The following TMEM232 variants were observed in gnomAD, a reference collection of about 807,000 sequenced individuals.
The protein encoded by TMEM232 is transmembrane protein 232.
A neutral mutation model predicts 78.8 loss-of-function variants in TMEM232; 80 were observed. That is an observed-to-expected ratio of 1.01 (90% CI 0.85 to 1.22). TMEM232 has a LOEUF of 1.22. Among genes scored for constraint, TMEM232 ranks in the 50% most tolerant of loss-of-function variants. TMEM232 has a pLI of 0.00. For missense variants in TMEM232, 881 were observed against 742.2 expected (o/e 1.19, Z -2.17); for synonymous variants, 297 against 254.3 (o/e 1.17, Z -1.60).
chr5:110,582,545 T>C (rs1778327562), intron 10 of TMEM232, among the ~76,000 whole-genome samples: 1 of 151,872 alleles, frequency 6.6e-6, no homozygotes, highest in South Asian at 2.1e-4. Flanking sequence ...GCTGAAATAC[T>C]AATTATTGGG....
At chr5:110,550,183 GA>G (rs144393493) in intron 11 of TMEM232, among the ~76,000 whole-genome samples, 2 of 152,238 alleles carry the variant, frequency 1.3e-5, no homozygotes, top group Non-Finnish European at 2.9e-5. Flanking sequence ...AACAGTAACA[GA>G]ATTATGGAAA....
Position 110,722,146 on chromosome 5 carries a change from G to T in TMEM232, c.-13+4481C>A, listed in dbSNP as rs1384512539. 3.3e-5 allele frequency among the ~76,000 whole-genome samples: 5 copies of T among 151,978 alleles called. No individual in the cohort carries two copies. In the East Asian group the frequency reaches 7.7e-4, roughly 24 times the overall value. On this transcript the variant is annotated intron_variant, in intron 1 of 13. Coordinates refer to ENST00000455884, the MANE Select transcript of TMEM232 (RefSeq NM_001039763.4). ...GAATGAGAGAAGAAAGGACATGGCA[G>T]AAATAAAGTTCTTACAATGAAATCA...
chr5:110,635,097 A>G (rs554431271), intron 5 of TMEM232, among the ~76,000 whole-genome samples: 1 of 152,186 alleles, frequency 6.6e-6, no homozygotes, highest in South Asian at 2.1e-4. Context: ...GGAAACGGAT[A>G]AATTCCTGAA....
At chr5:110,574,892 CCTT>C (rs1238171151) in intron 10 of TMEM232, among the ~76,000 whole-genome samples, 1 of 151,928 alleles carries the variant, frequency 6.6e-6, no homozygotes, top group East Asian at 1.9e-4. Flanking sequence ...TTCTGTGAGT[CCTT>C]CTAGCAAATT....
intron 4 of TMEM232, among the ~76,000 whole-genome samples, chr5:110,638,881 G>A (rs1363477): frequency 9.2e-5 from 14 of 152,084 alleles, no homozygotes; most frequent in South Asian, 4.2e-4. Flanking sequence ...AAGGCAGTGC[G>A]AAAGATAAAA....
chr5:110,416,569 A>G (rs569336371), downstream of TMEM232, among the ~76,000 whole-genome samples: 3 of 152,348 alleles, frequency 2.0e-5, no homozygotes, highest in African/African-American at 7.2e-5. Flanking sequence ...ATTTCCAATC[A>G]GCTAACTTTG....
intron 1 of TMEM232, 53 bp from the exon 2 acceptor site, chr5:110,667,417 A>G: frequency 7.6e-7 from 1 of 1,321,444 alleles, no homozygotes; most frequent in Non-Finnish European, 1.0e-6. Flanking sequence ...ATAGTATCAA[A>G]CAACATGTTA....
At chr5:110,436,040 C>T (rs577388553) in intron 12 of TMEM232, among the ~76,000 whole-genome samples, 1 of 152,038 alleles carries the variant, frequency 6.6e-6, no homozygotes, top group East Asian at 1.9e-4. Flanking sequence ...CCATAGTGCT[C>T]TCCATAGTGG....
intron 8 of TMEM232, among the ~76,000 whole-genome samples, chr5:110,609,367 C>G (rs776415414): frequency 5.9e-5 from 9 of 151,438 alleles, no homozygotes; most frequent in Non-Finnish European, 1.0e-4. Context: ...CTTGTTTTCC[C>G]CAAAAAAAGT....
intron 10 of TMEM232, among the ~76,000 whole-genome samples, chr5:110,587,691 A>ATATATATATATATATG (rs1209205049): frequency 4.8e-5 from 3 of 63,126 alleles, no homozygotes; most frequent in African/African-American, 2.2e-4. Context: ...ATATATATAT[A>ATATATATATATATATG]TGTGTGTGTG....
intron 11 of TMEM232, among the ~76,000 whole-genome samples, chr5:110,534,650 T>G (rs1007417383): frequency 7.9e-5 from 12 of 152,286 alleles, no homozygotes; most frequent in South Asian, 2.1e-4. Context: ...ACACTGCTGG[T>G]TTACACTGTT....
intron 12 of TMEM232, among the ~76,000 whole-genome samples, chr5:110,502,442 A>C (rs1766371142): frequency 6.6e-6 from 1 of 152,196 alleles, no homozygotes; most frequent in Non-Finnish European, 1.5e-5. Flanking sequence ...CATTTTCAAG[A>C]CCAGTTTTAA....
At chr5:110,481,412 G>T (rs1763846655) in intron 12 of TMEM232, among the ~76,000 whole-genome samples, 1 of 152,056 alleles carries the variant, frequency 6.6e-6, no homozygotes, top group South Asian at 2.1e-4. Flanking sequence ...TTGGGCAACA[G>T]ATTTTATATT....
At chr5:110,554,194 C>T (rs1774798668) in intron 11 of TMEM232, among the ~76,000 whole-genome samples, 1 of 152,088 alleles carries the variant, frequency 6.6e-6, no homozygotes, top group Non-Finnish European at 1.5e-5. Flanking sequence ...CAGACCCACC[C>T]TTAATCTGGG....
intron 12 of TMEM232, among the ~76,000 whole-genome samples, chr5:110,470,347 C>A (rs1198412715): frequency 1.3e-5 from 2 of 151,488 alleles, no homozygotes; most frequent in African/African-American, 4.9e-5. Flanking sequence ...CACATTCTAC[C>A]CGACCACAGA....
intron 1 of TMEM232, among the ~76,000 whole-genome samples, chr5:110,703,142 A>ATGT: frequency 6.6e-6 from 1 of 152,158 alleles, no homozygotes; most frequent in East Asian, 1.9e-4. Context: ...ATGAAACTAC[A>ATGT]AAGGTAGCTA....
chr5:110,639,982 G>A (rs542176627), intron 4 of TMEM232, among the ~76,000 whole-genome samples: 1 of 152,174 alleles, frequency 6.6e-6, no homozygotes, highest in Non-Finnish European at 1.5e-5. Context: ...TTCATGGTCC[G>A]GGGTTTTGAG....
chr5:110,714,165 T>G (rs2150323685), intron 1 of TMEM232, among the ~76,000 whole-genome samples: 1 of 152,284 alleles, frequency 6.6e-6, no homozygotes, highest in East Asian at 1.9e-4. Context: ...GAGAGTATAA[T>G]TTGGCAAGTT....
At chr5:110,738,588 G>A (rs1350634760), upstream of TMEM232, 3 of 187,034 alleles carry the variant, frequency 1.6e-5, no homozygotes, top group South Asian at 8.1e-5. Context: ...ACAAAGCTAG[G>A]TGGAACGTTA....
Sources: allele counts gnomAD v4.1 joint callset (sites outside exome capture counted in the v4.1 genomes callset), GRCh38; gene constraint gnomAD v4.1.1; transcripts MANE v1.5; gene names NCBI Gene and HGNC (gene_info 2026-07-23, HGNC 2026-07-21).